The following GNL3L variants were observed in gnomAD, a reference collection of about 807,000 sequenced individuals.
GNL3L encodes G protein nucleolar 3 like.
In GNL3L, 4 loss-of-function variants were observed where a neutral mutation model predicts 42.9. That is an observed-to-expected ratio of 0.09 (90% CI 0.05 to 0.21). The LOEUF (loss-of-function observed/expected upper bound fraction) is 0.21, where lower values mean the gene tolerates loss of function less well. GNL3L is among the 10% of genes least tolerant of loss of function. The probability of loss-of-function intolerance (pLI) is 1.00; values close to 1 mark genes in which losing one functional copy is unlikely to be tolerated. For synonymous variants in GNL3L, 159 were observed against 176.3 expected (o/e 0.90, Z 0.78); for missense variants, 412 against 481.7 (o/e 0.86, Z 1.36).
rs1384222748 is a variant in GNL3L, at chrX:54,561,231, A to G, written c.*629A>G. 8.9e-6 allele frequency among the ~76,000 whole-genome samples: 1 copy of G among 111,991 alleles called. No homozygotes were observed. Among genetic ancestry groups the G allele is most frequent in the African/African-American group, 3.2e-5 (1 of 30,806 alleles). On this transcript the variant is annotated 3_prime_UTR_variant, in exon 16 of 16. Transcript: ENST00000360845. Reference sequence around the variant, plus strand: ...GCTGACCTACAAAACTCTGCCTACAAAACTCTCTTAGACAGGTGAATATGC... The same window carrying G: ...GCTGACCTACAAAACTCTGCCTACAGAACTCTCTTAGACAGGTGAATATGC...
At chrX:54,606,536 T>C (rs1336281487) in intron 16 of GNL3L, among the ~76,000 whole-genome samples, 1 of 110,715 alleles carries the variant, frequency 9.0e-6, no homozygotes, top group Admixed American at 9.6e-5. Context: ...AATGCAGTGG[T>C]GCAATCATAG....
chrX:54,535,636 C>G (rs1476395647), intron 2 of GNL3L, among the ~76,000 whole-genome samples: 1 of 111,774 alleles, frequency 8.9e-6, no homozygotes, highest in Admixed American at 9.6e-5. Flanking sequence ...CAAAATGAAA[C>G]CTTTAGCATG....
chrX:54,542,577 T>G (rs762203497), intron 5 of GNL3L, among the ~76,000 whole-genome samples: 2 of 111,765 alleles, frequency 1.8e-5, no homozygotes, highest in East Asian at 5.6e-4. Flanking sequence ...TGTGTCTTTA[T>G]AGTAACATGA....
At chrX:54,530,499 T>A (rs1364159463) in intron 1 of GNL3L, 80 bp downstream of exon 1, 2 of 111,432 alleles carry the variant, frequency 1.8e-5, no homozygotes, top group Non-Finnish European at 3.8e-5. Context: ...ACGCGCCGAA[T>A]TGCCTTTTCG....
At chrX:54,609,285 C>T (rs1015664200) in intron 16 of GNL3L, among the ~76,000 whole-genome samples, 1 of 112,236 alleles carries the variant, frequency 8.9e-6, no homozygotes, top group Non-Finnish European at 1.9e-5. Context: ...TAAATTTTCT[C>T]CCACTCTGTG....
chrX:54,543,459 G>A (rs750629659), intron 7 of GNL3L, 117 bp downstream of exon 7: 69 of 771,978 alleles, frequency 8.9e-5, no homozygotes, highest in Non-Finnish European at 1.3e-4. Flanking sequence ...GTCATGCAAA[G>A]TAGAAATTTT....
intron 16 of GNL3L, among the ~76,000 whole-genome samples, chrX:54,605,886 T>A (rs1366009150): frequency 9.0e-6 from 1 of 111,660 alleles, no homozygotes; most frequent in Non-Finnish European, 1.9e-5. Context: ...CAGTGGATTC[T>A]ATACCAATGT....
chrX:54,543,076 T>A, intron 6 of GNL3L, 38 bp downstream of exon 6: 1 of 1,085,515 alleles, frequency 9.2e-7, no homozygotes, highest in Non-Finnish European at 1.3e-6. Flanking sequence ...TGCGGGAGGG[T>A]TCCAGTCCAG....
At chrX:54,569,699 CAAA>C (rs1925516554), downstream of GNL3L, among the ~76,000 whole-genome samples, 1 of 111,765 alleles carries the variant, frequency 8.9e-6, no homozygotes, top group Non-Finnish European at 1.9e-5. Flanking sequence ...TTGATCATCT[CAAA>C]GAATCACATT....
At position 54,558,476 on chromosome X, in the gene GNL3L, A is replaced by G. The variant is rs747067141; in HGVS notation, c.1487A>G (p.His496Arg). Residue 496 changes from histidine to arginine, a missense_variant, in exon 15 of 16, where the codon CAT becomes CGT. Transcript: ENST00000360845. Reference sequence around the variant, plus strand: ...GGGTATTGCACCAATCCGAACCGTCATCAGATGGGGTGGGCTAAACGCAAT... The same window carrying G: ...GGGTATTGCACCAATCCGAACCGTCGTCAGATGGGGTGGGCTAAACGCAAT... ...LTGYCTNPNR[H>R]QMGWAKRNVD... 3 of 1,208,480 alleles carry G rather than the reference A, an allele frequency of 2.5e-6. No homozygotes were observed. In the Admixed American group the frequency reaches 6.5e-5, roughly 26 times the overall value.
chrX:54,567,992 G>A (rs376884785), downstream of GNL3L, among the ~76,000 whole-genome samples: 51 of 96,998 alleles, frequency 5.3e-4, no homozygotes, highest in South Asian at 2.4e-3. Flanking sequence ...TTTGTGAGAC[G>A]GAGTCTCACT....
Position 54,566,438 on chromosome X carries a change from G to A in GNL3L, c.*5836G>A, listed in dbSNP as rs1326291712. The stretch of plus-strand genomic sequence containing the variant: ...TTTATGGCAGAATGATTTATATTAT[G>A]CATAACCAAAACTGTACTTATTAAA... On this transcript the variant is annotated 3_prime_UTR_variant, in exon 16 of 16. Coordinates refer to ENST00000360845, the MANE Select transcript of GNL3L (RefSeq NM_001184819.2). 9.0e-6 allele frequency among the ~76,000 whole-genome samples: 1 copy of A among 111,557 alleles called. No individual in the cohort carries two copies. Among genetic ancestry groups the A allele is most frequent in the Non-Finnish European group, 1.9e-5 (1 of 53,144 alleles).
chrX:54,548,436 G>A, intron 9 of GNL3L, 63 bp downstream of exon 9: 1 of 927,997 alleles, frequency 1.1e-6, no homozygotes. Flanking sequence ...TTCGCTGGGG[G>A]AAAGGATCCT....
chrX:54,557,493 G>A (rs1925131925), intron 14 of GNL3L, among the ~76,000 whole-genome samples: 1 of 110,667 alleles, frequency 9.0e-6, no homozygotes, highest in African/African-American at 3.3e-5. Context: ...GGAGTGCAGT[G>A]GTGCAGTCTT....
intron 14 of GNL3L, 48 bp downstream of exon 14, chrX:54,554,740 C>T (rs768510242): frequency 8.8e-7 from 1 of 1,133,148 alleles, no homozygotes; most frequent in South Asian, 1.8e-5. Context: ...CCCCAGGGCT[C>T]TGGGAAGTGG....
the GNL3L span, among the ~76,000 whole-genome samples, chrX:54,630,353 A>G: frequency 9.1e-6 from 1 of 109,375 alleles, no homozygotes; most frequent in Admixed American, 9.8e-5. Flanking sequence ...TAGCTTATCT[A>G]TTTGTGCTTT....
chrX:54,614,113 G>A (rs1926194644), intron 16 of GNL3L, among the ~76,000 whole-genome samples: 1 of 110,549 alleles, frequency 9.0e-6, no homozygotes, highest in Non-Finnish European at 1.9e-5. Flanking sequence ...TCTGTGGAGG[G>A]TGGGGGTGAG....
intron 16 of GNL3L, among the ~76,000 whole-genome samples, chrX:54,617,760 A>G (rs1159461579): frequency 1.8e-5 from 2 of 112,103 alleles, no homozygotes; most frequent in African/African-American, 3.2e-5. Context: ...GAACACAGCT[A>G]GAAATCACCA....
At chrX:54,599,697 A>G (rs1366332087) in intron 16 of GNL3L, among the ~76,000 whole-genome samples, 1 of 109,865 alleles carries the variant, frequency 9.1e-6, no homozygotes, top group African/African-American at 3.3e-5. Flanking sequence ...GTTATATATT[A>G]TTGTCTCTTG....
Sources: allele counts gnomAD v4.1 joint callset (sites outside exome capture counted in the v4.1 genomes callset), GRCh38; gene constraint gnomAD v4.1.1; transcripts MANE v1.5; gene names NCBI Gene and HGNC (gene_info 2026-07-23, HGNC 2026-07-21).